ANO6: variants seen among roughly 807,000 people sequenced by gnomAD.
ANO6 encodes the protein anoctamin 6, also known as anoctamin-6.
In ANO6, 106 loss-of-function variants were observed where a neutral mutation model predicts 117.5. The ratio of observed to expected loss-of-function variants is 0.90; its 90% CI spans 0.77 to 1.06. ANO6 has a LOEUF of 1.06. ANO6 is among the 50% of genes least tolerant of loss of function. ANO6 has a pLI of 0.00. For synonymous variants in ANO6, 367 were observed against 385.1 expected, an observed-to-expected ratio of 0.95 and a Z score of 0.55; for missense variants, 955 against 1,121.1, an observed-to-expected ratio of 0.85 and a Z score of 2.12.
chr12:45,309,489 A>C (rs752782624), intron 2 of ANO6, among the ~76,000 whole-genome samples: 4 of 152,078 alleles, frequency 2.6e-5, no homozygotes, highest in Non-Finnish European at 5.9e-5. Flanking sequence ...TGAGAGAATC[A>C]GAGCCAGCTA....
At chr12:45,245,156 G>C (rs75489382) in intron 1 of ANO6, among the ~76,000 whole-genome samples, 2,642 of 152,270 alleles carry the variant, frequency 0.017, 24 homozygotes, top group Non-Finnish European at 0.027. Context: ...GCCAGTTCCT[G>C]AAACCACCTT....
intron 19 of ANO6, among the ~76,000 whole-genome samples, chr12:45,428,365 C>G (rs974880054): frequency 2.0e-5 from 3 of 152,158 alleles, no homozygotes; most frequent in African/African-American, 4.8e-5. Flanking sequence ...ATAATCCTAG[C>G]GCTTTGGAAG....
chr12:45,257,243 C>T lies in ANO6; in HGVS notation c.70+40852C>T, dbSNP rs117170882. On this transcript the variant is annotated intron_variant, in intron 1 of 19. Coordinates refer to ENST00000320560, the MANE Select transcript of ANO6 (RefSeq NM_001025356.3). The stretch of plus-strand genomic sequence containing the variant: ...TTTTCTGAGGGCAGTCTCATTCACA[C>T]TTGCAGTTTCAGATCTGTTCCTAGA... 2.6e-5 allele frequency among the ~76,000 whole-genome samples: 4 copies of T among 152,290 alleles called. No homozygotes were observed. In the East Asian group the frequency reaches 7.7e-4, roughly 29 times the overall value.
chr12:45,427,287 C>T (rs1333476755), intron 19 of ANO6, among the ~76,000 whole-genome samples: 1 of 152,122 alleles, frequency 6.6e-6, no homozygotes, highest in East Asian at 1.9e-4. Flanking sequence ...AGAGTCCTCA[C>T]AGTGGCACAC....
chr12:45,321,749 G>A (rs1940280897), intron 2 of ANO6, among the ~76,000 whole-genome samples: 1 of 152,050 alleles, frequency 6.6e-6, no homozygotes. Flanking sequence ...GGAAAAAAAA[G>A]GCAGTTTTAA....
At chr12:45,336,341 G>T (rs1940824355) in intron 3 of ANO6, among the ~76,000 whole-genome samples, 1 of 151,942 alleles carries the variant, frequency 6.6e-6, no homozygotes, top group Non-Finnish European at 1.5e-5. Flanking sequence ...ATAACTCAAA[G>T]CATTCATTTA....
intron 1 of ANO6, chr12:45,270,587 G>T: frequency 1.8e-6 from 1 of 544,254 alleles, no homozygotes; most frequent in Non-Finnish European, 3.2e-6. Context: ...CCGACTGTCA[G>T]TTCCGGGAGA....
At chr12:45,389,126 A>G (rs1257154399) in intron 11 of ANO6, among the ~76,000 whole-genome samples, 2 of 152,352 alleles carry the variant, frequency 1.3e-5, no homozygotes, top group East Asian at 3.9e-4. Context: ...GTTCCCAACT[A>G]TAGGTTTTAT....
chr12:45,366,407 T>G (rs1180273678), intron 8 of ANO6, among the ~76,000 whole-genome samples: 2 of 152,308 alleles, frequency 1.3e-5, no homozygotes, highest in African/African-American at 4.8e-5. Flanking sequence ...TACCTGGAAT[T>G]GATGTATATA....
chr12:45,240,351 AT>A (rs57126852), intron 1 of ANO6, among the ~76,000 whole-genome samples: 54 of 30,728 alleles, frequency 1.8e-3, no homozygotes, highest in Non-Finnish European at 3.3e-3. Context: ...GCAACCCCTG[AT>A]TTTTTTTTTT....
At chr12:45,241,909 C>G (rs1184129047) in intron 1 of ANO6, among the ~76,000 whole-genome samples, 1 of 152,230 alleles carries the variant, frequency 6.6e-6, no homozygotes, top group Non-Finnish European at 1.5e-5. Context: ...TGCAGAACAG[C>G]AAATGTTGCT....
intron 2 of ANO6, among the ~76,000 whole-genome samples, chr12:45,304,311 G>T (rs961278283): frequency 2.3e-4 from 35 of 152,286 alleles, no homozygotes; most frequent in Admixed American, 8.5e-4. Flanking sequence ...CAGTGAAAAT[G>T]GGTGGCTCCC....
At chr12:45,398,147 A>G (rs917775071) in intron 12 of ANO6, among the ~76,000 whole-genome samples, 2 of 152,264 alleles carry the variant, frequency 1.3e-5, no homozygotes, top group East Asian at 1.9e-4. Flanking sequence ...TTTGTTAACA[A>G]TAGGGCAAAC....
intron 9 of ANO6, among the ~76,000 whole-genome samples, chr12:45,375,547 G>A (rs1306371345): frequency 2.6e-5 from 4 of 152,064 alleles, no homozygotes; most frequent in African/African-American, 7.3e-5. Context: ...CAGAAATAAC[G>A]CCACATATCT....
intron 1 of ANO6, among the ~76,000 whole-genome samples, chr12:45,298,596 T>C (rs1216527129): frequency 6.6e-6 from 1 of 152,236 alleles, no homozygotes; most frequent in Non-Finnish European, 1.5e-5. Flanking sequence ...GGCTTTGTTC[T>C]ACCTAGATGA....
At chr12:45,238,286 G>T (rs1270690300) in intron 1 of ANO6, among the ~76,000 whole-genome samples, 1 of 151,790 alleles carries the variant, frequency 6.6e-6, no homozygotes, top group Non-Finnish European at 1.5e-5. Flanking sequence ...AAGTAGCTGG[G>T]ATTACAGGCA....
At chr12:45,437,829 A>G (rs1250259856) in intron 19 of ANO6, among the ~76,000 whole-genome samples, 1 of 152,126 alleles carries the variant, frequency 6.6e-6, no homozygotes, top group East Asian at 1.9e-4. Context: ...CTTGCCTCCC[A>G]AAGTGTTAGG....
chr12:45,439,356 C>T (rs946796119), intron 19 of ANO6, among the ~76,000 whole-genome samples: 4 of 152,164 alleles, frequency 2.6e-5, no homozygotes, highest in East Asian at 1.9e-4. Context: ...AACACTGCAT[C>T]GAGCAAACTC....
intron 4 of ANO6, 65 bp downstream of exon 4, chr12:45,347,152 G>A: frequency 6.8e-7 from 1 of 1,477,764 alleles, no homozygotes; most frequent in South Asian, 1.1e-5. Flanking sequence ...GTGCCACTTG[G>A]AATACTTGGG....
Sources: gnomAD v4.1 joint callset for allele counts (sites outside exome capture counted in the v4.1 genomes callset) on GRCh38, gnomAD v4.1.1 for gene constraint, MANE v1.5 for transcripts, NCBI Gene and HGNC (gene_info 2026-07-23, HGNC 2026-07-21) for gene names.